BRWD3: variants seen among roughly 807,000 people sequenced by gnomAD.
The protein encoded by BRWD3 is bromodomain and WD repeat-containing protein 3.
BRWD3 carries 10 observed loss-of-function variants against 149.7 expected under a neutral mutation model. That is an observed-to-expected ratio of 0.07 (90% CI 0.04 to 0.11). The LOEUF is 0.11. Among genes scored for constraint, BRWD3 ranks in the 10% least tolerant of loss-of-function variants. The pLI is 1.00. For missense variants in BRWD3, 940 were observed against 1,373.2 expected (o/e 0.68, Z 4.99); for synonymous variants, 504 against 456.7 (o/e 1.10, Z -1.32).
chrX:80,759,360 T>A (rs2073779172), intron 6 of BRWD3, among the ~76,000 whole-genome samples: 1 of 111,862 alleles, frequency 8.9e-6, no homozygotes, highest in Non-Finnish European at 1.9e-5. Flanking sequence ...GGGCCATTTC[T>A]GTTTCTCCTG....
Position 80,809,259 on chromosome X carries a change from T to C in BRWD3, c.77A>G (p.Asn26Ser). Residue 26 changes from asparagine to serine, a missense_variant, in exon 2 of 41, where the codon AAC becomes AGC. By Grantham distance (46) the Asn-to-Ser change is conservative. Around this residue, in one of 6 missense-constraint regions of BRWD3, gnomAD observed 105 missense variants for 127.7 expected, o/e 0.82. Transcript: ENST00000373275. ...TCTTCCCCTTACCTGAGCGGATTTG[T>C]TGCAGGGTCCAGACTGCAAGAACCT... Reference protein sequence around the residue: ...IARFLQSGPCNKSAQVLVQEL... With the variant: ...IARFLQSGPCSKSAQVLVQEL... 1 of 1,199,429 alleles carries C rather than the reference T, an allele frequency of 8.3e-7. No individual in the cohort carries two copies. Among genetic ancestry groups the C allele is most frequent in the Non-Finnish European group, 1.1e-6 (1 of 888,279 alleles).
chrX:80,744,854 A>G (rs758165346), intron 7 of BRWD3, among the ~76,000 whole-genome samples: 1 of 111,749 alleles, frequency 8.9e-6, no homozygotes, highest in South Asian at 3.7e-4. Flanking sequence ...TACTTATGTG[A>G]CGCATTTAGA....
At chrX:80,726,290 A>G (rs2073243413) in intron 14 of BRWD3, among the ~76,000 whole-genome samples, 1 of 106,019 alleles carries the variant, frequency 9.4e-6, no homozygotes, top group Non-Finnish European at 2.0e-5. Flanking sequence ...TGTATAACAT[A>G]TAACACGTTT....
At chrX:80,716,480 C>T (rs2073075423) in intron 19 of BRWD3, among the ~76,000 whole-genome samples, 1 of 111,752 alleles carries the variant, frequency 8.9e-6, no homozygotes, top group African/African-American at 3.2e-5. Context: ...GCAATAACTC[C>T]CCATTTTCTC....
At chrX:80,802,737 T>A (rs2074313440) in intron 4 of BRWD3, among the ~76,000 whole-genome samples, 1 of 110,589 alleles carries the variant, frequency 9.0e-6, no homozygotes, top group Non-Finnish European at 1.9e-5. Flanking sequence ...TTCCCTAGGG[T>A]CACTCAACAA....
chrX:80,809,505 G>T lies in BRWD3; in HGVS notation c.-34C>A. ...CGAGGGGGTTTGGGGGCTTCGCTCC[G>T]GAGGGGCTGGCGGGGGCGGGTGGGG... On this transcript the variant is annotated 5_prime_UTR_variant, in exon 1 of 41. Coordinates refer to ENST00000373275, the MANE Select transcript of BRWD3 (RefSeq NM_153252.5). 1 of 1,052,957 alleles carries T rather than the reference G, an allele frequency of 9.5e-7. No homozygotes were observed. Among genetic ancestry groups the T allele is most frequent in the African/African-American group, 1.9e-5 (1 of 53,776 alleles). The allele number at this position is 1,052,957 out of a possible 1,213,427, so 86.8% of individuals were successfully genotyped here.
intron 10 of BRWD3, 81 bp downstream of exon 10, chrX:80,735,046 A>G: frequency 1.2e-6 from 1 of 863,600 alleles, no homozygotes. Flanking sequence ...TCAAATGTGT[A>G]TCTTTTTTCT....
rs1402211581 is a variant in BRWD3 at position 80,733,873 on chromosome X, G to C, written c.1086+245C>G. ...TTTGAAAATAAATCAATCATTTCCT[G>C]TTTCCCACATCATTTATTTAATTAT... On this transcript the variant is annotated intron_variant, in intron 11 of 40. Coordinates refer to ENST00000373275, the MANE Select transcript of BRWD3 (RefSeq NM_153252.5). Among the ~76,000 whole-genome samples, 6 of 111,069 alleles carry C rather than the reference G, an allele frequency of 5.4e-5. No homozygotes were observed. The Admixed American group carries it at 5.8e-4, about 11-fold the overall frequency.
intron 22 of BRWD3, among the ~76,000 whole-genome samples, chrX:80,706,420 T>G (rs2072866451): frequency 8.9e-6 from 1 of 112,114 alleles, no homozygotes; most frequent in African/African-American, 3.2e-5. Flanking sequence ...ATTTTTTCTT[T>G]ATATCCTTAC....
At chrX:80,747,331 C>T (rs1368516967) in intron 6 of BRWD3, among the ~76,000 whole-genome samples, 1 of 109,361 alleles carries the variant, frequency 9.1e-6, no homozygotes, top group Non-Finnish European at 1.9e-5. Flanking sequence ...CTTTCCATTG[C>T]AGGGTGTTTT....
At chrX:80,688,547 A>T in intron 33 of BRWD3, among the ~76,000 whole-genome samples, 1 of 111,447 alleles carries the variant, frequency 9.0e-6, no homozygotes, top group South Asian at 3.7e-4. Flanking sequence ...TCCTATAGAA[A>T]AGAGATCTAT....
intron 7 of BRWD3, among the ~76,000 whole-genome samples, chrX:80,744,639 A>G (rs895077359): frequency 8.9e-6 from 1 of 112,368 alleles, no homozygotes; most frequent in Non-Finnish European, 1.9e-5. Context: ...TTTAACCTAA[A>G]GTCTACATGC....
chrX:80,686,605 C>T (rs991115121), intron 35 of BRWD3, among the ~76,000 whole-genome samples: 2 of 110,514 alleles, frequency 1.8e-5, no homozygotes, highest in East Asian at 2.8e-4. Flanking sequence ...ATTAAATAAA[C>T]GTCTGAAATA....
intron 14 of BRWD3, among the ~76,000 whole-genome samples, chrX:80,727,082 G>T (rs1180986540): frequency 9.2e-6 from 1 of 109,000 alleles, no homozygotes; most frequent in Non-Finnish European, 1.9e-5. Context: ...TGGGGAACAA[G>T]ATCTAGTCAG....
chrX:80,809,413 C>T (rs1160080182), intron 1 of BRWD3, 28 bp downstream of exon 1: 9 of 1,136,347 alleles, frequency 7.9e-6, no homozygotes, highest in Non-Finnish European at 9.5e-6. Context: ...CCCTTAGCAC[C>T]CCCCCACCCC....
At chrX:80,720,154 G>A (rs2073126423) in intron 17 of BRWD3, among the ~76,000 whole-genome samples, 1 of 111,633 alleles carries the variant, frequency 9.0e-6, no homozygotes, top group African/African-American at 3.3e-5. Context: ...TTTTATGTAT[G>A]CACTATACCA....
intron 12 of BRWD3, among the ~76,000 whole-genome samples, chrX:80,731,723 T>C (rs772617067): frequency 9.3e-6 from 1 of 108,012 alleles, no homozygotes; most frequent in Non-Finnish European, 1.9e-5. Context: ...TGAAACCCCG[T>C]CTCTACTAAA....
chrX:80,802,119 G>C (rs564376969), intron 4 of BRWD3, among the ~76,000 whole-genome samples: 11 of 111,537 alleles, frequency 9.9e-5, no homozygotes, highest in African/African-American at 2.9e-4. Context: ...TTTTTTTATA[G>C]TACTGTTTTA....
At chrX:80,681,294 C>T (rs763478529) in intron 40 of BRWD3, 47 bp downstream of exon 40, 1 of 1,160,298 alleles carries the variant, frequency 8.6e-7, no homozygotes, top group Admixed American at 2.2e-5. Flanking sequence ...TATCTGCTAT[C>T]ATAAAGAAAT....
Sources: allele counts gnomAD v4.1 joint callset (sites outside exome capture counted in the v4.1 genomes callset), GRCh38; gene constraint gnomAD v4.1.1; regional missense constraint gnomAD v4.1.1; transcripts MANE v1.5; gene names NCBI Gene and HGNC (gene_info 2026-07-23, HGNC 2026-07-21).